The following IL1RAPL2 variants were observed in gnomAD, a reference collection of about 807,000 sequenced individuals.
The protein encoded by IL1RAPL2 is X-linked interleukin-1 receptor accessory protein-like 2.
In IL1RAPL2, 3 loss-of-function variants were observed where a neutral mutation model predicts 44.1. The observed-to-expected ratio is 0.07, with a 90% CI of 0.03 to 0.18. The LOEUF (loss-of-function observed/expected upper bound fraction) is 0.18. Among genes scored for constraint, IL1RAPL2 ranks in the 10% least tolerant of loss-of-function variants. IL1RAPL2 has a pLI of 1.00. For synonymous variants in IL1RAPL2, 181 were observed against 178.8 expected, an observed-to-expected ratio of 1.01 and a Z score of -0.10; for missense variants, 391 against 496.4, an observed-to-expected ratio of 0.79 and a Z score of 2.02.
At chrX:105,432,405 G>A (rs1180855851) in intron 5 of IL1RAPL2, among the ~76,000 whole-genome samples, 1 of 109,836 alleles carries the variant, frequency 9.1e-6, no homozygotes, top group East Asian at 2.9e-4. Context: ...AGGTATAGGT[G>A]ATATAGAAGG....
chrX:104,940,330 G>A (rs894536714), intron 2 of IL1RAPL2, among the ~76,000 whole-genome samples: 15 of 111,552 alleles, frequency 1.3e-4, no homozygotes, highest in African/African-American at 4.2e-4. Context: ...TATGTGGATG[G>A]ATATTTGTTC....
intron 2 of IL1RAPL2, among the ~76,000 whole-genome samples, chrX:105,108,363 C>G (rs936474385): frequency 8.9e-6 from 1 of 111,847 alleles, no homozygotes; most frequent in Non-Finnish European, 1.9e-5. Flanking sequence ...TGGAGTCTCA[C>G]TCTGTTGCCC....
intron 10 of IL1RAPL2, 97 bp downstream of exon 10, chrX:105,755,444 T>G (rs1222531234): frequency 9.7e-6 from 6 of 620,002 alleles, no homozygotes; most frequent in Admixed American, 7.1e-5. Flanking sequence ...AGACAGTTGT[T>G]TCTCACAGTA....
chrX:105,088,843 T>C, intron 2 of IL1RAPL2, among the ~76,000 whole-genome samples: 1 of 111,715 alleles, frequency 9.0e-6, no homozygotes, highest in Middle Eastern at 4.6e-3. Flanking sequence ...CTTAATGCTA[T>C]GGCTAGAGTT....
At position 105,371,972 on chromosome X, in the gene IL1RAPL2, C is replaced by T. The variant is rs1028427470; in HGVS notation, c.697+104431C>T. 1.8e-5 allele frequency among the ~76,000 whole-genome samples: 2 copies of T among 111,186 alleles called. 1 individual carries two copies. Among genetic ancestry groups the T allele is most frequent in the Non-Finnish European group, 3.8e-5 (2 of 53,022 alleles). On this transcript the variant is annotated intron_variant, in intron 5 of 10. Coordinates refer to ENST00000372582, the MANE Select transcript of IL1RAPL2 (RefSeq NM_017416.2). ...AGATTGGTACTGAATTCAGGATGACCCCTAAATCTTGAAGCTTCACATAAA... is the reference window on the plus strand; with the variant it reads ...AGATTGGTACTGAATTCAGGATGACTCCTAAATCTTGAAGCTTCACATAAA...
At chrX:104,679,317 A>C (rs768265103) in intron 2 of IL1RAPL2, among the ~76,000 whole-genome samples, 28 of 111,039 alleles carry the variant, frequency 2.5e-4, no homozygotes, top group Admixed American at 7.6e-4. Flanking sequence ...AGATAAAAAC[A>C]CCCTTAGGGG....
At chrX:105,155,216 A>C (rs1160015700) in intron 2 of IL1RAPL2, among the ~76,000 whole-genome samples, 3 of 111,284 alleles carry the variant, frequency 2.7e-5, no homozygotes, top group Non-Finnish European at 5.7e-5. Flanking sequence ...GAGGGTAGAG[A>C]GAAGGAATAT....
At chrX:104,663,601 G>A (rs1446564069) in intron 2 of IL1RAPL2, among the ~76,000 whole-genome samples, 1 of 109,269 alleles carries the variant, frequency 9.2e-6, no homozygotes, top group East Asian at 2.9e-4. Flanking sequence ...TTCTTTAATT[G>A]AAAGGGACAA....
At chrX:105,122,795 T>C (rs915262103) in intron 2 of IL1RAPL2, among the ~76,000 whole-genome samples, 3 of 111,624 alleles carry the variant, frequency 2.7e-5, no homozygotes, top group African/African-American at 9.7e-5. Flanking sequence ...TAGCTTCAAA[T>C]GATGTGTTAG....
intron 5 of IL1RAPL2, among the ~76,000 whole-genome samples, chrX:105,478,254 G>C: frequency 9.0e-6 from 1 of 111,168 alleles, no homozygotes. Flanking sequence ...TTTCACAACT[G>C]GGGGAAGGTC....
intron 2 of IL1RAPL2, among the ~76,000 whole-genome samples, chrX:105,110,046 G>A (rs998839203): frequency 1.8e-5 from 2 of 111,729 alleles, no homozygotes; most frequent in Non-Finnish European, 3.8e-5. Context: ...GGTGCAGAGG[G>A]AAAGTGACTC....
At chrX:105,462,699 A>C (rs1335047517) in intron 5 of IL1RAPL2, among the ~76,000 whole-genome samples, 3 of 111,407 alleles carry the variant, frequency 2.7e-5, no homozygotes, top group Admixed American at 9.6e-5. Context: ...TAATTCATCA[A>C]ATCTGGGCCT....
chrX:105,761,386 T>A (rs976151251), intron 10 of IL1RAPL2, among the ~76,000 whole-genome samples: 3 of 110,306 alleles, frequency 2.7e-5, no homozygotes, highest in East Asian at 2.9e-4. Flanking sequence ...AGAGTCAATG[T>A]GTGTAACTAT....
At chrX:105,312,356 C>G (rs1339359365) in intron 5 of IL1RAPL2, among the ~76,000 whole-genome samples, 1 of 111,643 alleles carries the variant, frequency 9.0e-6, no homozygotes, top group Non-Finnish European at 1.9e-5. Flanking sequence ...TTAAAGATAC[C>G]TGTGAATTAT....
At chrX:104,908,617 T>A (rs1302267016) in intron 2 of IL1RAPL2, among the ~76,000 whole-genome samples, 1 of 111,814 alleles carries the variant, frequency 8.9e-6, no homozygotes, top group African/African-American at 3.3e-5. Flanking sequence ...TCTTTAAGAA[T>A]GTTGAATATT....
intron 2 of IL1RAPL2, among the ~76,000 whole-genome samples, chrX:104,855,332 T>C (rs1922328131): frequency 9.0e-6 from 1 of 111,160 alleles, no homozygotes; most frequent in Admixed American, 9.6e-5. Context: ...CTACTACTAA[T>C]TCAAATGAGC....
chrX:104,949,313 T>G (rs1339637269), intron 2 of IL1RAPL2, among the ~76,000 whole-genome samples: 1 of 111,705 alleles, frequency 9.0e-6, no homozygotes, highest in African/African-American at 3.3e-5. Context: ...CTCTCTCTTT[T>G]TCTTTATTAG....
intron 2 of IL1RAPL2, among the ~76,000 whole-genome samples, chrX:105,076,386 G>A (rs2032302614): frequency 5.4e-5 from 6 of 111,836 alleles, no homozygotes; most frequent in Admixed American, 4.8e-4. Flanking sequence ...GTTCTAGTTT[G>A]ATTGCACTGT....
At position 104,875,010 on chromosome X, in the gene IL1RAPL2, T is replaced by A. The variant is rs762164508; in HGVS notation, c.82+216015T>A. ...TTTTCTATGGTGAATTTAATCTCAC[T>A]CAGTGTTACATCTGAAAAATGGGAT... On this transcript the variant is annotated intron_variant, in intron 2 of 10. Coordinates refer to ENST00000372582, the MANE Select transcript of IL1RAPL2 (RefSeq NM_017416.2). Among the ~76,000 whole-genome samples, 6 of 111,695 alleles carry A rather than the reference T, an allele frequency of 5.4e-5. No homozygotes were observed. The South Asian group carries it at 2.2e-3, about 42-fold the overall frequency.
Sources: gnomAD v4.1 joint callset for allele counts (sites outside exome capture counted in the v4.1 genomes callset) on GRCh38, gnomAD v4.1.1 for gene constraint, MANE v1.5 for transcripts, NCBI Gene and HGNC (gene_info 2026-07-23, HGNC 2026-07-21) for gene names.